The following TOGARAM1 variants were observed in gnomAD, a reference collection of about 807,000 sequenced individuals.
The protein encoded by TOGARAM1 is TOG array regulator of axonemal microtubules protein 1.
In TOGARAM1, 100 loss-of-function variants were observed where a neutral mutation model predicts 166.6. That is an observed-to-expected ratio of 0.60 (90% CI 0.51 to 0.71). TOGARAM1 has a LOEUF of 0.71. TOGARAM1 is among the 30% of genes least tolerant of loss of function. The pLI, the probability that TOGARAM1 is intolerant of heterozygous loss-of-function variation, is 0.00. For missense variants in TOGARAM1, 2,029 were observed against 2,102.7 expected (o/e 0.96, Z 0.69); for synonymous variants, 758 against 763.8 (o/e 0.99, Z 0.13).
rs1881841828 is a variant in TOGARAM1, at chr14:45,043,726, G to A, written c.3853G>A (p.Ala1285Thr). Residue 1285 changes from alanine to threonine, a missense_variant, in exon 12 of 20, where the codon GCT becomes ACT. This residue lies in a region of TOGARAM1 where 576 missense variants were observed against 670.5 expected (regional missense o/e 0.86). Transcript: ENST00000361462. ...GGGACTGAATTTTATTAGATGCTTAGCTGCTTTTCATTCTGAGATACTGAA... is the reference window on the plus strand; with the variant it reads ...GGGACTGAATTTTATTAGATGCTTAACTGCTTTTCATTCTGAGATACTGAA... ...IEGLNFIRCL[A>T]AFHSEILNTK... 6.2e-7 allele frequency: 1 copy of A among 1,613,448 alleles called. No homozygotes were observed.
intron 1 of TOGARAM1, among the ~76,000 whole-genome samples, chr14:44,994,358 A>C (rs544511457): frequency 2.0e-5 from 3 of 151,852 alleles, no homozygotes; most frequent in African/African-American, 7.3e-5. Context: ...ACCTCAAGTG[A>C]CCCACCCACC....
At chr14:45,063,228 C>T (rs1882976931) in intron 16 of TOGARAM1, among the ~76,000 whole-genome samples, 2 of 152,180 alleles carry the variant, frequency 1.3e-5, no homozygotes, top group African/African-American at 4.8e-5. Flanking sequence ...ATATAGCACA[C>T]ATTGTTTATC....
intron 7 of TOGARAM1, among the ~76,000 whole-genome samples, chr14:45,017,065 C>A (rs998275699): frequency 6.6e-6 from 1 of 152,070 alleles, no homozygotes; most frequent in South Asian, 2.1e-4. Flanking sequence ...GTTAGAAATA[C>A]AAAATGAACA....
At chr14:45,031,583 A>G (rs1881157810) in intron 10 of TOGARAM1, among the ~76,000 whole-genome samples, 1 of 152,218 alleles carries the variant, frequency 6.6e-6, no homozygotes, top group South Asian at 2.1e-4. Context: ...TTTTTACAAA[A>G]TGGGATCGTA....
intron 7 of TOGARAM1, among the ~76,000 whole-genome samples, chr14:45,019,034 C>T (rs1019490416): frequency 2.0e-5 from 3 of 152,202 alleles, no homozygotes; most frequent in Non-Finnish European, 2.9e-5. Context: ...TTTACTAAAT[C>T]TGTCTTGGCA....
chr14:45,044,344 C>A lies in TOGARAM1; in HGVS notation c.3919-291C>A, dbSNP rs141957881. 3.1e-4 allele frequency among the ~76,000 whole-genome samples: 47 copies of A among 152,160 alleles called. 1 individual carries two copies. In the East Asian group the frequency reaches 8.7e-3, roughly 28 times the overall value. On this transcript the variant is annotated intron_variant, in intron 12 of 19. Coordinates refer to ENST00000361462, the MANE Select transcript of TOGARAM1 (RefSeq NM_001308120.2). ...TTACTTGAAGCCAGGAGTTTGAGAC[C>A]AGTCGGCCCAACATGGCAAAACCCC...
In TOGARAM1 at chr14:45,054,530, G is replaced by A; in HGVS notation, c.4540G>A (p.Ala1514Thr). 6.2e-7 allele frequency: 1 copy of A among 1,610,372 alleles called. No individual in the cohort carries two copies. Residue 1514 changes from alanine to threonine, a missense_variant, in exon 16 of 20, where the codon GCT becomes ACT. Coordinates refer to ENST00000361462, the MANE Select transcript of TOGARAM1 (RefSeq NM_001308120.2). Reference sequence around the variant, plus strand: ...AAGATCATCATCTGTTTCTAGAGATGCTTTCAATTCAGCTGAAAGGTAAGA... The same window carrying A: ...AAGATCATCATCTGTTTCTAGAGATACTTTCAATTCAGCTGAAAGGTAAGA... ...NTRSSSVSRD[A>T]FNSAERAVTE... is the part of the protein sequence containing the mutation.
At chr14:44,982,113 G>T (rs897446564) in intron 1 of TOGARAM1, among the ~76,000 whole-genome samples, 1 of 151,976 alleles carries the variant, frequency 6.6e-6, no homozygotes, top group South Asian at 2.1e-4. Flanking sequence ...CAAAGTACTG[G>T]GATTACAGGC....
chr14:45,037,715 T>C (rs1292982351), intron 11 of TOGARAM1, among the ~76,000 whole-genome samples: 1 of 152,124 alleles, frequency 6.6e-6, no homozygotes, highest in African/African-American at 2.4e-5. Flanking sequence ...CATTAATTAA[T>C]AGAACAAGTT....
intron 16 of TOGARAM1, among the ~76,000 whole-genome samples, chr14:45,058,311 T>TC (rs1882740236): frequency 6.6e-6 from 1 of 151,998 alleles, no homozygotes; most frequent in African/African-American, 2.4e-5. Flanking sequence ...TTTTTTTTTT[T>TC]TGAGACAGTG....
chr14:45,027,270 A>G, intron 8 of TOGARAM1, 29 bp from the exon 9 acceptor site: 1 of 1,609,346 alleles, frequency 6.2e-7, no homozygotes, highest in Non-Finnish European at 8.5e-7. Context: ...TAATTAGTTA[A>G]TGACTATTTG....
chr14:45,058,204 C>CT lies in TOGARAM1; in HGVS notation c.4559+3664dup, dbSNP rs543775374. ...CTTATCATTATCATCCCTTCTTTGT[C>CT]TTTTTTTTTACTGTTTTTGATTTGA... On this transcript the variant is annotated intron_variant, in intron 16 of 19. Transcript: ENST00000361462. Among the ~76,000 whole-genome samples, 77 of 149,360 alleles carry CT rather than the reference C, an allele frequency of 5.2e-4. 1 individual carries two copies. The highest frequency in any genetic ancestry group is 6.7e-4 in the Non-Finnish European group (45 of 67,264).
intron 10 of TOGARAM1, among the ~76,000 whole-genome samples, chr14:45,029,152 C>G (rs779698454): frequency 6.6e-6 from 1 of 152,070 alleles, no homozygotes; most frequent in Non-Finnish European, 1.5e-5. Context: ...AGGTGTTAGC[C>G]TGTACAATTG....
intron 1 of TOGARAM1, among the ~76,000 whole-genome samples, chr14:44,965,869 A>ATTTTTTTTTTTTT (rs747983176): frequency 1.7e-5 from 2 of 120,498 alleles, no homozygotes; most frequent in Admixed American, 8.3e-5. Context: ...ACAAATAGTA[A>ATTTTTTTTTTTTT]TTTTTTTTTT....
Position 45,025,399 on chromosome 14 carries a change from A to G in TOGARAM1, c.3239-384A>G, listed in dbSNP as rs111983911. Reference sequence around the variant, plus strand: ...ACCAAAATGGTGAAACCCCATCTCTACTAAAAATACAAAAATGAGCTGAGC... The same window carrying G: ...ACCAAAATGGTGAAACCCCATCTCTGCTAAAAATACAAAAATGAGCTGAGC... On this transcript the variant is annotated intron_variant, in intron 7 of 19. Transcript: ENST00000361462. 7.7e-3 allele frequency: 1,199 copies of G among 155,424 alleles called. 19 individuals carry two copies. The highest frequency in any genetic ancestry group is 0.026 in the African/African-American group (1,078 of 41,494). The allele number at this position is 155,424 out of a possible 1,614,324, so 9.6% of individuals were successfully genotyped here.
intron 11 of TOGARAM1, among the ~76,000 whole-genome samples, chr14:45,033,962 T>C (rs1239989367): frequency 1.3e-5 from 2 of 152,168 alleles, no homozygotes; most frequent in Non-Finnish European, 2.9e-5. Flanking sequence ...GAGACCAGCC[T>C]GGCCAACATG....
At chr14:45,051,742 A>G (rs1882381159) in intron 14 of TOGARAM1, among the ~76,000 whole-genome samples, 1 of 151,796 alleles carries the variant, frequency 6.6e-6, no homozygotes, top group Non-Finnish European at 1.5e-5. Context: ...GTATTTTTTT[A>G]GGAGAGACGG....
intron 10 of TOGARAM1, among the ~76,000 whole-genome samples, chr14:45,031,061 A>G (rs1881127205): frequency 6.6e-6 from 1 of 152,158 alleles, no homozygotes; most frequent in African/African-American, 2.4e-5. Context: ...TAAATGACCA[A>G]CTCTGAATAT....
At chr14:45,024,910 A>G (rs556699019) in intron 7 of TOGARAM1, among the ~76,000 whole-genome samples, 1 of 152,334 alleles carries the variant, frequency 6.6e-6, no homozygotes, top group African/African-American at 2.4e-5. Flanking sequence ...TTTCTTTCAT[A>G]AAACCTAAAG....
Sources: gnomAD v4.1 joint callset for allele counts (sites outside exome capture counted in the v4.1 genomes callset) on GRCh38, gnomAD v4.1.1 for gene constraint, gnomAD v4.1.1 regional missense constraint, MANE v1.5 for transcripts, NCBI Gene and HGNC (gene_info 2026-07-23, HGNC 2026-07-21) for gene names.